Variants in TEX35 observed in about 807,000 individuals in gnomAD.
The protein encoded by TEX35 is testis-expressed protein 35.
A neutral mutation model predicts 31.9 loss-of-function variants in TEX35; 26 were observed. The observed-to-expected ratio is 0.81, with a 90% CI of 0.60 to 1.13. The LOEUF is 1.13. TEX35 is among the 50% of genes most tolerant of loss of function. TEX35 has a pLI of 0.00. For synonymous variants in TEX35, 87 were observed against 90.7 expected (o/e 0.96, Z 0.23); for missense variants, 278 against 273.5 (o/e 1.02, Z -0.12).
At chr1:178,521,169 C>T in intron 7 of TEX35, 53 bp from the exon 8 acceptor site, 1 of 1,613,656 alleles carries the variant, frequency 6.2e-7, no homozygotes, top group South Asian at 1.1e-5. Flanking sequence ...GCAGGCTGCC[C>T]TTCTTGGACC....
In TEX35 at chr1:178,515,934, C is replaced by G; in HGVS notation, c.216+19C>G. ...AAAACAGGTAAGAAGATGAGGCCTT[C>G]CATATCATGGAGGGAAAGTGTAGCT... On this transcript the variant is annotated intron_variant, in intron 4 of 8. Coordinates refer to ENST00000319416, the MANE Select transcript of TEX35 (RefSeq NM_032126.5). 3.1e-6 allele frequency: 5 copies of G among 1,594,912 alleles called. No individual in the cohort carries two copies. The highest frequency in any genetic ancestry group is 1.1e-5 in the South Asian group (1 of 90,246).
At chr1:178,514,136 C>T in intron 2 of TEX35, 59 bp downstream of exon 2, 2 of 1,613,484 alleles carry the variant, frequency 1.2e-6, no homozygotes, top group Non-Finnish European at 1.7e-6. Context: ...GGGGAAGTGA[C>T]CAGGAGTCAG....
intron 6 of TEX35, 78 bp downstream of exon 6, chr1:178,520,514 C>T: frequency 6.2e-7 from 1 of 1,612,444 alleles, no homozygotes; most frequent in Non-Finnish European, 8.5e-7. Context: ...CTTTGGGGTT[C>T]AGAGGACACC....
intron 8 of TEX35, chr1:178,521,682 G>A: frequency 6.4e-7 from 1 of 1,552,010 alleles, no homozygotes; most frequent in African/African-American, 1.4e-5. Flanking sequence ...CGCAGCTGCA[G>A]AACCTACCAG....
At chr1:178,517,452 GGA>G (rs1408637657) in intron 5 of TEX35, among the ~76,000 whole-genome samples, 1 of 152,188 alleles carries the variant, frequency 6.6e-6, no homozygotes, top group Non-Finnish European at 1.5e-5. Context: ...GCTTGCCTGT[GGA>G]TGAGAACCAG....
At chr1:178,516,982 T>TA (rs1650101015) in intron 5 of TEX35, among the ~76,000 whole-genome samples, 1 of 152,224 alleles carries the variant, frequency 6.6e-6, no homozygotes, top group Admixed American at 6.5e-5. Flanking sequence ...GATTCTTTTT[T>TA]AACTCAAAAA....
chr1:178,515,828 C>T (rs765090804), intron 3 of TEX35, 31 bp from the exon 4 acceptor site: 23 of 1,579,774 alleles, frequency 1.5e-5, no homozygotes, highest in Non-Finnish European at 2.0e-5. Context: ...ATATTTCTTT[C>T]CTCCTTCTCT....
At chr1:178,520,935 T>G in intron 7 of TEX35, 61 bp downstream of exon 7, 1 of 1,600,252 alleles carries the variant, frequency 6.2e-7, no homozygotes, top group Non-Finnish European at 8.5e-7. Context: ...GGCTCCCTGG[T>G]GACTTCCCCG....
rs763399829 is a variant in TEX35, at chr1:178,522,427, C to A, written c.689C>A (p.Thr230Asn). Residue 230 changes from threonine to asparagine, a missense_variant, in exon 9 of 9, where the codon ACT (threonine) becomes AAT (asparagine). Physicochemically the swap from Thr to Asn is moderately conservative, Grantham distance 65 (BLOSUM62 0). Transcript: ENST00000319416. The stretch of plus-strand genomic sequence containing the variant: ...GCTGTGCCTGCCCCAAAGTCCCAGA[C>A]TGAGGGAAGGTGAAGCTTAACTGCC... ...GHAVPAPKSQ[T>N]EGR is the part of the protein sequence containing the mutation. 15 of 1,599,386 alleles carry A rather than the reference C, an allele frequency of 9.4e-6. No individual in the cohort carries two copies. In the South Asian group the frequency reaches 1.4e-4, roughly 15 times the overall value.
chr1:178,516,823 T>G, intron 5 of TEX35, 149 bp downstream of exon 5: 1 of 574,438 alleles, frequency 1.7e-6, no homozygotes, highest in Non-Finnish European at 3.0e-6. Context: ...AATAATTAAT[T>G]CGTTGTTTGC....
chr1:178,514,638 C>G, intron 2 of TEX35, 62 bp from the exon 3 acceptor site: 1 of 1,512,356 alleles, frequency 6.6e-7, no homozygotes, highest in South Asian at 1.2e-5. Flanking sequence ...TCTCTTCTGC[C>G]TCTGCACTTC....
intron 3 of TEX35, 117 bp downstream of exon 3, chr1:178,514,885 G>T: frequency 2.4e-6 from 2 of 819,430 alleles, no homozygotes; most frequent in Non-Finnish European, 3.9e-6. Context: ...TAGGCACAGT[G>T]CAATTATCAA....
intron 4 of TEX35, 59 bp from the exon 5 acceptor site, chr1:178,516,556 C>A: frequency 6.7e-7 from 1 of 1,484,530 alleles, no homozygotes; most frequent in Non-Finnish European, 9.4e-7. Flanking sequence ...AAAGATGCCA[C>A]AACTAACCTC....
rs573315825 is a variant in TEX35, at chr1:178,513,316, C to T, written c.39+89C>T. The T allele has an allele frequency of 2.5e-5, 37 of 1,503,182 alleles. 1 individual carries two copies. The highest frequency in any genetic ancestry group is 1.5e-4 in the South Asian group (13 of 85,892). 93.1% of individuals were successfully genotyped at this position (1,503,182 alleles called of 1,614,324 possible). On this transcript the variant is annotated intron_variant, in intron 1 of 8. Transcript: ENST00000319416. The stretch of plus-strand genomic sequence containing the variant: ...GTCGGGGCAAGGGATACAGAGAATG[C>T]TCGCATGAATCTCTGGTTTTTCTTT...
At chr1:178,519,442 G>C (rs2101896853) in intron 5 of TEX35, among the ~76,000 whole-genome samples, 1 of 152,310 alleles carries the variant, frequency 6.6e-6, no homozygotes. Flanking sequence ...AAACGTGTAA[G>C]AATATGGGAC....
At chr1:178,520,503 C>T in intron 6 of TEX35, 67 bp downstream of exon 6, 1 of 1,613,496 alleles carries the variant, frequency 6.2e-7, no homozygotes, top group Non-Finnish European at 8.5e-7. Flanking sequence ...TTGTTGGATC[C>T]CTTTGGGGTT....
intron 8 of TEX35, chr1:178,521,537 C>T: frequency 4.5e-6 from 6 of 1,346,054 alleles, no homozygotes; most frequent in Non-Finnish European, 6.3e-6. Context: ...GCCTCAGGTC[C>T]TGCCCTTTCT....
rs543271319 is a variant in TEX35 at position 178,522,548 on chromosome 1, G to A, written c.*108G>A. On this transcript the variant is annotated 3_prime_UTR_variant, in exon 9 of 9. Transcript: ENST00000319416. Reference sequence around the variant, plus strand: ...TCTTTGGCTTCAATTTGAAGGACGAGGAATGATGGGATTTCATATTTTATT... The same window carrying A: ...TCTTTGGCTTCAATTTGAAGGACGAAGAATGATGGGATTTCATATTTTATT... The A allele has an allele frequency of 2.3e-6, 3 of 1,322,754 alleles. No homozygotes were observed. In the Admixed American group the frequency reaches 9.4e-5, roughly 41 times the overall value. The allele number at this position is 1,322,754 out of a possible 1,614,324, so 81.9% of individuals were successfully genotyped here. A position where few individuals can be genotyped will look rare whatever the true frequency, so the allele number is the denominator to read the frequency against.
At position 178,515,902 on chromosome 1, in the gene TEX35, A is replaced by G; in HGVS notation, c.203A>G (p.Glu68Gly). 1.2e-6 allele frequency: 2 copies of G among 1,612,666 alleles called. No individual in the cohort carries two copies. Among genetic ancestry groups the G allele is most frequent in the Non-Finnish European group, 1.7e-6 (2 of 1,178,960 alleles). Residue 68 changes from glutamate to glycine, a missense_variant, in exon 4 of 9, where the codon GAG (glutamate) becomes GGG (glycine). Glu to Gly is a moderately conservative substitution (Grantham distance 98). Transcript: ENST00000319416. ...AGAGAAGAGCTCAAGGAGAAAATGG[A>G]GGAGATAAAACAGGTAAGAAGATGA... is the stretch of plus-strand genomic sequence containing the variant. ...EVREELKEKMEEIKQIKDLMD... is the reference protein window; with the variant it reads ...EVREELKEKMGEIKQIKDLMD...
Sources: gnomAD v4.1 joint callset for allele counts (sites outside exome capture counted in the v4.1 genomes callset) on GRCh38, gnomAD v4.1.1 for gene constraint, MANE v1.5 for transcripts, NCBI Gene and HGNC (gene_info 2026-07-23, HGNC 2026-07-21) for gene names.